PNPT1: variants seen among roughly 807,000 people sequenced by gnomAD.
The protein encoded by PNPT1 is polyribonucleotide nucleotidyltransferase 1, also known as polyribonucleotide nucleotidyltransferase 1, mitochondrial.
In PNPT1, 53 loss-of-function variants were observed where a neutral mutation model predicts 119.5. That is an observed-to-expected ratio of 0.44 (90% CI 0.36 to 0.56). The LOEUF is 0.56. Among genes scored for constraint, PNPT1 ranks in the 20% least tolerant of loss-of-function variants. The pLI is 0.00. For missense variants in PNPT1, 948 were observed against 938.5 expected (o/e 1.01, Z -0.13); for synonymous variants, 357 against 322.1 (o/e 1.11, Z -1.16).
chr2:55,645,251 C>T, intron 22 of PNPT1, 98 bp downstream of exon 22: 1 of 735,724 alleles, frequency 1.4e-6, no homozygotes. Context: ...GTCTCGATCT[C>T]CTGACCTTGT....
At chr2:55,638,016 A>T (rs1337025461) in intron 26 of PNPT1, among the ~76,000 whole-genome samples, 6 of 151,306 alleles carry the variant, frequency 4.0e-5, no homozygotes, top group Middle Eastern at 3.4e-3. Flanking sequence ...AAAAAAAAAA[A>T]ATCAGCTGGG....
In PNPT1 at chr2:55,656,294, C is replaced by A. The variant is rs1696384649; in HGVS notation, c.1351+11G>T. 1.2e-6 allele frequency: 2 copies of A among 1,611,164 alleles called. No homozygotes were observed. Among genetic ancestry groups the A allele is most frequent in the South Asian group, 1.1e-5 (1 of 90,490 alleles). On this transcript the variant is annotated intron_variant, in intron 16 of 27. Coordinates refer to ENST00000447944, the MANE Select transcript of PNPT1 (RefSeq NM_033109.5). ...AAGAATACCGTATTAAGTTTACAGA[C>A]CTGTACTTACCATGCCCAAGTTCTC...
intron 5 of PNPT1, 50 bp from the exon 6 acceptor site, chr2:55,680,968 C>T: frequency 7.0e-7 from 1 of 1,435,550 alleles, no homozygotes; most frequent in Non-Finnish European, 9.8e-7. Context: ...TTTAGGTTAA[C>T]ATCCTGACCT....
chr2:55,684,662 T>C (rs1010674613), intron 4 of PNPT1, among the ~76,000 whole-genome samples: 14 of 152,378 alleles, frequency 9.2e-5, no homozygotes, highest in South Asian at 8.3e-4. Context: ...AAAATTCATA[T>C]GCTCAATAGA....
Position 55,679,774 on chromosome 2 carries a change from A to G in PNPT1, c.587T>C (p.Ile196Thr). Residue 196 changes from isoleucine (I) to threonine (T), a missense_variant, in exon 8 of 28, where the codon ATT becomes ACT. Physicochemically the swap from Ile to Thr is moderately conservative, Grantham distance 89. Coordinates refer to ENST00000447944, the MANE Select transcript of PNPT1 (RefSeq NM_033109.5). Reference protein sequence around the residue: ...GPVGAVRIGIIDGEYVVNPTR... With the variant: ...GPVGAVRIGITDGEYVVNPTR... Reference sequence around the variant, plus strand: ...TGGGTTAACAACATATTCTCCATCAATTATTCCTATTCGTACTGCCCCTAA... The same window carrying G: ...TGGGTTAACAACATATTCTCCATCAGTTATTCCTATTCGTACTGCCCCTAA... 1.9e-6 allele frequency: 3 copies of G among 1,608,712 alleles called. No homozygotes were observed. The highest frequency in any genetic ancestry group is 1.7e-6 in the Non-Finnish European group (2 of 1,176,596).
chr2:55,655,971 G>C lies in PNPT1; in HGVS notation c.1441+160C>G, dbSNP rs562024519. Among the ~76,000 whole-genome samples, 4 of 152,180 alleles carry C rather than the reference G, an allele frequency of 2.6e-5. No homozygotes were observed. In the South Asian group the frequency reaches 6.2e-4, roughly 24 times the overall value. On this transcript the variant is annotated intron_variant, in intron 17 of 27. Coordinates refer to ENST00000447944, the MANE Select transcript of PNPT1 (RefSeq NM_033109.5). ...CAAAACAACTCATTAGCTAAGAACA[G>C]AGATTAAGACAAGTATTTGATTAAC... is the stretch of plus-strand genomic sequence containing the variant.
intron 2 of PNPT1, 118 bp downstream of exon 2, chr2:55,687,527 A>C: frequency 1.4e-6 from 1 of 710,102 alleles, no homozygotes. Context: ...TCTTAGTAGT[A>C]TCTGAATTAA....
At chr2:55,651,310 A>G in intron 18 of PNPT1, among the ~76,000 whole-genome samples, 1 of 152,070 alleles carries the variant, frequency 6.6e-6, no homozygotes, top group South Asian at 2.1e-4. Context: ...CATGATGACA[A>G]TGGCGGTTTT....
intron 8 of PNPT1, 98 bp downstream of exon 8, chr2:55,679,584 G>T: frequency 1.2e-6 from 1 of 818,948 alleles, no homozygotes; most frequent in Non-Finnish European, 1.9e-6. Context: ...AATTTTTATG[G>T]CTACCGACAA....
At chr2:55,661,431 C>A (rs1696573304) in intron 14 of PNPT1, among the ~76,000 whole-genome samples, 1 of 152,040 alleles carries the variant, frequency 6.6e-6, no homozygotes, top group Non-Finnish European at 1.5e-5. Context: ...TTGATTTGGC[C>A]TGCAATAAAG....
intron 18 of PNPT1, among the ~76,000 whole-genome samples, chr2:55,654,513 A>C (rs1268808764): frequency 3.9e-5 from 6 of 152,172 alleles, no homozygotes. Flanking sequence ...TTTGGAAGGA[A>C]ATAAAGTTTA....
At chr2:55,647,099 C>CA (rs888113243) in intron 19 of PNPT1, among the ~76,000 whole-genome samples, 58 of 152,062 alleles carry the variant, frequency 3.8e-4, no homozygotes, top group Admixed American at 3.5e-3. Flanking sequence ...AGGCATGAGT[C>CA]ACTGTGCCTG....
chr2:55,636,433 A>G (rs1205419782), intron 27 of PNPT1, 41 bp from the exon 28 acceptor site: 2 of 1,592,202 alleles, frequency 1.3e-6, no homozygotes, highest in African/African-American at 2.7e-5. Context: ...GTTACAGCAC[A>G]TTGAGTGACA....
intron 1 of PNPT1, among the ~76,000 whole-genome samples, chr2:55,688,452 G>A (rs945211032): frequency 2.6e-5 from 4 of 152,012 alleles, no homozygotes; most frequent in African/African-American, 9.7e-5. Context: ...AGCCAGGCGT[G>A]GTGTCTCCCA....
chr2:55,672,806 G>T, intron 9 of PNPT1, 87 bp downstream of exon 9: 1 of 1,227,950 alleles, frequency 8.1e-7, no homozygotes, highest in Non-Finnish European at 1.1e-6. Context: ...GTAATGCATG[G>T]GCAGTGCTTC....
At chr2:55,659,527 T>A (rs1400217178) in intron 15 of PNPT1, among the ~76,000 whole-genome samples, 2 of 152,168 alleles carry the variant, frequency 1.3e-5, no homozygotes, top group African/African-American at 4.8e-5. Flanking sequence ...ATGACTTTTT[T>A]TTTTTTAACC....
At chr2:55,640,406 A>C (rs1414972064) in intron 26 of PNPT1, among the ~76,000 whole-genome samples, 1 of 152,142 alleles carries the variant, frequency 6.6e-6, no homozygotes, top group Non-Finnish European at 1.5e-5. Context: ...CCCGCCTCGG[A>C]CTTCCAGAGT....
intron 18 of PNPT1, among the ~76,000 whole-genome samples, chr2:55,651,885 C>CAAAAAAAAAAAAAAAAAAA: frequency 8.3e-6 from 1 of 119,774 alleles, no homozygotes; most frequent in Admixed American, 8.6e-5. Context: ...AAAGGAAAGT[C>CAAAAAAAAAAAAAAAAAAA]AAAAAAAAAA....
chr2:55,657,455 C>A (rs1177676246), intron 15 of PNPT1, among the ~76,000 whole-genome samples: 2 of 150,614 alleles, frequency 1.3e-5, no homozygotes, highest in Non-Finnish European at 2.9e-5. Flanking sequence ...ATGGTGCAAT[C>A]TCGGCTCACT....
Sources: gnomAD v4.1 joint callset for allele counts (sites outside exome capture counted in the v4.1 genomes callset) on GRCh38, gnomAD v4.1.1 for gene constraint, MANE v1.5 for transcripts, NCBI Gene and HGNC (gene_info 2026-07-23, HGNC 2026-07-21) for gene names.